The following TLE3 variants were observed in gnomAD, a reference collection of about 807,000 sequenced individuals.
TLE3 encodes the protein TLE family member 3, transcriptional corepressor.
TLE3 carries 14 observed loss-of-function variants against 93.0 expected under a neutral mutation model. That is an observed-to-expected ratio of 0.15 (90% CI 0.10 to 0.24). The LOEUF is 0.24. Ranked by LOEUF, TLE3 falls within the 10% of genes least tolerant of loss-of-function variation. The pLI, the probability that TLE3 is intolerant of heterozygous loss-of-function variation, is 1.00. For missense variants in TLE3, 693 were observed against 1,046.6 expected (o/e 0.66, Z 4.66); for synonymous variants, 451 against 425.0 (o/e 1.06, Z -0.75).
chr15:70,071,545 G>T (rs1198241016), intron 6 of TLE3, among the ~76,000 whole-genome samples: 1 of 152,148 alleles, frequency 6.6e-6, no homozygotes, highest in Non-Finnish European at 1.5e-5. Context: ...GGAGGTATCT[G>T]ATTTCTCTTT....
At chr15:70,088,927 GGA>G (rs1400230055) in intron 4 of TLE3, among the ~76,000 whole-genome samples, 1 of 145,534 alleles carries the variant, frequency 6.9e-6, no homozygotes, top group Non-Finnish European at 1.5e-5. Context: ...GGCCAGCCCT[GGA>G]GAGCCAGCCA....
Position 70,096,509 on chromosome 15 carries a change from G to A in TLE3, c.25-248C>T, listed in dbSNP as rs929472815. On this transcript the variant is annotated intron_variant, in intron 1 of 19. Transcript: ENST00000451782. ...CCAGTAAGGCGGGGGCGGGAGACAA[G>A]CCGGGTGAGTTGGGAGACTTCAGAG... The A allele has an allele frequency of 8.4e-5, 104 of 1,233,712 alleles. 1 individual carries two copies. The Admixed American group carries it at 2.2e-3, about 26-fold the overall frequency. The allele number at this position is 1,233,712 out of a possible 1,614,324, so 76.4% of individuals were successfully genotyped here. A position where few individuals can be genotyped will look rare whatever the true frequency, so the allele number is the denominator to read the frequency against.
At position 70,086,681 on chromosome 15, in the gene TLE3, TAGA is replaced by T. The variant is rs1202954289; in HGVS notation, c.234+7848_234+7850del. Among the ~76,000 whole-genome samples, 4 of 152,226 alleles carry T rather than the reference TAGA, an allele frequency of 2.6e-5. 1 individual carries two copies. In the South Asian group the frequency reaches 8.3e-4, roughly 32 times the overall value. On this transcript the variant is annotated intron_variant, in intron 4 of 19. Transcript: ENST00000451782. ...CAAAATTAACAAACAAAAAAAGCAG[TAGA>T]AGAACTGTGAACAATAGTCAAACTT... is the stretch of plus-strand genomic sequence containing the variant.
chr15:70,056,401 C>T, intron 13 of TLE3, 27 bp from the exon 14 acceptor site: 1 of 1,603,388 alleles, frequency 6.2e-7, no homozygotes, highest in Non-Finnish European at 8.5e-7. Context: ...GACAGCCCTC[C>T]ATCAGCCGTG....
At position 70,096,895 on chromosome 15, in the gene TLE3, G is replaced by T; in HGVS notation, c.-97C>A. The T allele has an allele frequency of 2.9e-6, 4 of 1,400,026 alleles. No homozygotes were observed. Among genetic ancestry groups the T allele is most frequent in the Non-Finnish European group, 3.9e-6 (4 of 1,021,818 alleles). 86.7% of individuals were successfully genotyped at this position (1,400,026 alleles called of 1,614,324 possible). A position where few individuals can be genotyped will look rare whatever the true frequency, so the allele number is the denominator to read the frequency against. ...GGGAGCCGAGCCCGAGCGGGGGGCG[G>T]CCGGGAAACCGAGAGCTCGCCCCCG... On this transcript the variant is annotated 5_prime_UTR_variant, in exon 1 of 20. Coordinates refer to ENST00000451782, the MANE Select transcript of TLE3 (RefSeq NM_001105192.3).
At chr15:70,082,280 C>T (rs1004159337) in intron 4 of TLE3, among the ~76,000 whole-genome samples, 4 of 151,890 alleles carry the variant, frequency 2.6e-5, no homozygotes, top group African/African-American at 9.7e-5. Flanking sequence ...TCAGAGAACA[C>T]TGAAATAAAA....
chr15:70,056,452 C>T (rs1310382167), intron 13 of TLE3, 78 bp from the exon 14 acceptor site: 3 of 1,382,030 alleles, frequency 2.2e-6, no homozygotes, highest in East Asian at 2.3e-5. Flanking sequence ...ACCACCCACC[C>T]GGGGTCCTAC....
At chr15:70,072,901 T>G (rs972547697) in intron 6 of TLE3, among the ~76,000 whole-genome samples, 1 of 152,326 alleles carries the variant, frequency 6.6e-6, no homozygotes. Flanking sequence ...AACATTAAAA[T>G]ATCATGATTT....
chr15:70,075,938 G>A (rs1319228594), intron 5 of TLE3, among the ~76,000 whole-genome samples, 158 bp downstream of exon 5: 3 of 152,208 alleles, frequency 2.0e-5, no homozygotes, highest in Non-Finnish European at 4.4e-5. Context: ...AGACTGGCCG[G>A]AGAAGGCTCT....
At chr15:70,071,975 G>C (rs1340414282) in intron 6 of TLE3, among the ~76,000 whole-genome samples, 3 of 152,262 alleles carry the variant, frequency 2.0e-5, no homozygotes, top group Non-Finnish European at 4.4e-5. Flanking sequence ...CTTCGCGGGA[G>C]TGCAGTCAAG....
At chr15:70,052,337 C>T (rs1440304197) in intron 18 of TLE3, 37 bp downstream of exon 18, 1 of 1,601,716 alleles carries the variant, frequency 6.2e-7, no homozygotes, top group African/African-American at 1.3e-5. Context: ...GGGTTCCCCA[C>T]CCCACTCCAT....
In TLE3 at chr15:70,059,396, G is replaced by C; in HGVS notation, c.765+14C>G. ...CCAAACCAAGAGCCCCCTTGCGACC[G>C]GGCCTGCCCATACCTCATTGGAAAC... On this transcript the variant is annotated intron_variant, in intron 10 of 19. Transcript: ENST00000451782. 1 of 1,607,100 alleles carries C rather than the reference G, an allele frequency of 6.2e-7. No individual in the cohort carries two copies. The highest frequency in any genetic ancestry group is 8.5e-7 in the Non-Finnish European group (1 of 1,176,742).
chr15:70,077,429 A>C (rs1227498625), intron 4 of TLE3, among the ~76,000 whole-genome samples: 1 of 152,266 alleles, frequency 6.6e-6, no homozygotes, highest in African/African-American at 2.4e-5. Context: ...ATCTGTGATC[A>C]TCTGCATGTC....
At chr15:70,065,993 T>G in intron 7 of TLE3, 21 bp downstream of exon 7, 1 of 699,098 alleles carries the variant, frequency 1.4e-6, no homozygotes. Flanking sequence ...CGCCCCACCC[T>G]CTGCCCCAGC....
chr15:70,057,455 G>A lies in TLE3; in HGVS notation c.1251+4C>T, dbSNP rs1439356098. On this transcript the variant is annotated splice_donor_region_variant and intron_variant, in intron 13 of 19. Transcript: ENST00000451782. ...CCAAGAAAGGAGCCAAAAGGTCTAC[G>A]TACAGCTCCAAAGCTCACCATTGGC... 3.1e-6 allele frequency: 5 copies of A among 1,594,756 alleles called. No homozygotes were observed. The African/African-American group carries it at 4.0e-5, about 13-fold the overall frequency.
At chr15:70,092,591 A>T (rs982449060) in intron 4 of TLE3, among the ~76,000 whole-genome samples, 2 of 152,224 alleles carry the variant, frequency 1.3e-5, no homozygotes, top group African/African-American at 4.8e-5. Flanking sequence ...GGATTAAATG[A>T]GACAACGTAG....
At chr15:70,063,651 G>C (rs2056636684) in intron 8 of TLE3, among the ~76,000 whole-genome samples, 1 of 152,238 alleles carries the variant, frequency 6.6e-6, no homozygotes, top group Non-Finnish European at 1.5e-5. Context: ...TACAAGGACA[G>C]CGATGAGGAA....
At chr15:70,079,237 C>T (rs1479267853) in intron 4 of TLE3, 3 of 369,178 alleles carry the variant, frequency 8.1e-6, no homozygotes, top group Admixed American at 4.7e-5. Flanking sequence ...CACACAGATG[C>T]AGAACCTTCC....
intron 4 of TLE3, among the ~76,000 whole-genome samples, chr15:70,082,681 C>G (rs1414843387): frequency 1.3e-5 from 2 of 152,246 alleles, no homozygotes; most frequent in African/African-American, 4.8e-5. Context: ...CCCAGCCCCC[C>G]TCAGCGTGAC....
Sources: allele counts gnomAD v4.1 joint callset (sites outside exome capture counted in the v4.1 genomes callset), GRCh38; gene constraint gnomAD v4.1.1; transcripts MANE v1.5; gene names NCBI Gene and HGNC (gene_info 2026-07-23, HGNC 2026-07-21).